The following RBPJ variants were observed in gnomAD, a reference collection of about 807,000 sequenced individuals.
The protein encoded by RBPJ is recombining binding protein suppressor of hairless.
Under a neutral mutation model 67.8 loss-of-function variants are expected in RBPJ, and 9 were observed. The ratio of observed to expected loss-of-function variants is 0.13; its 90% CI spans 0.08 to 0.23. The LOEUF (loss-of-function observed/expected upper bound fraction) is 0.23, where lower values mean the gene tolerates loss of function less well. Ranked by LOEUF, RBPJ falls within the 10% of genes least tolerant of loss-of-function variation. RBPJ has a pLI of 1.00. For synonymous variants in RBPJ, 198 were observed against 203.3 expected (o/e 0.97, Z 0.22); for missense variants, 305 against 595.6 (o/e 0.51, Z 5.08).
chr4:26,125,130 A>T, the RBPJ span, among the ~76,000 whole-genome samples: 3 of 152,212 alleles, frequency 2.0e-5, no homozygotes, highest in Non-Finnish European at 4.4e-5. Context: ...CAGGAATTGC[A>T]GTCATCCCTC....
chr4:26,146,037 A>T, the RBPJ span, among the ~76,000 whole-genome samples: 67,242 of 151,972 alleles, frequency 0.44, 15,323 homozygotes, highest in Non-Finnish European at 0.51. Flanking sequence ...TCTGGGCTCA[A>T]GTAATCCTCC....
At chr4:26,144,886 A>T in the RBPJ span, among the ~76,000 whole-genome samples, 1 of 152,102 alleles carries the variant, frequency 6.6e-6, no homozygotes, top group African/African-American at 2.4e-5. Flanking sequence ...TCACTCTTTT[A>T]TATGTGTCTT....
chr4:26,214,631 A>C lies in RBPJ; in HGVS notation c.-167+51017A>C, dbSNP rs1718573988. The stretch of plus-strand genomic sequence containing the variant: ...GAGAGAATGAAAAAGAAAAAAGAGA[A>C]AGAAAAAGAAAAAAGAAAGAGAAAA... On this transcript the variant is annotated intron_variant, in intron 1 of 4. Coordinates refer to the RBPJ transcript ENST00000512351. Among the ~76,000 whole-genome samples the C allele has an allele frequency of 4.9e-5, 3 of 61,670 alleles. No individual in the cohort carries two copies. The South Asian group carries it at 1.3e-3, about 27-fold the overall frequency. 40.5% of individuals were successfully genotyped at this position (61,670 alleles called of 152,430 possible). A position where few individuals can be genotyped will look rare whatever the true frequency, so the allele number is the denominator to read the frequency against.
intron 1 of RBPJ, among the ~76,000 whole-genome samples, chr4:26,220,764 G>A (rs1161427755): frequency 6.6e-6 from 1 of 152,232 alleles, no homozygotes; most frequent in African/African-American, 2.4e-5. Flanking sequence ...AGGAACCAGA[G>A]GCTCGAAGAG....
intron 1 of RBPJ, among the ~76,000 whole-genome samples, chr4:26,366,167 T>A (rs1402339322): frequency 6.6e-6 from 1 of 152,228 alleles, no homozygotes; most frequent in Admixed American, 6.5e-5. Flanking sequence ...TTCTAGTGAT[T>A]ATCAACTGGA....
intron 1 of RBPJ, among the ~76,000 whole-genome samples, chr4:26,251,746 G>A (rs906445256): frequency 6.6e-6 from 1 of 151,552 alleles, no homozygotes; most frequent in African/African-American, 2.4e-5. Flanking sequence ...TACTTGGGAG[G>A]CTGAGGCAGG....
intron 1 of RBPJ, among the ~76,000 whole-genome samples, chr4:26,360,047 G>A (rs1386520707): frequency 3.9e-5 from 6 of 152,086 alleles, no homozygotes; most frequent in African/African-American, 1.4e-4. Context: ...TGCTTTCAGA[G>A]CCTTTGCTCT....
intron 1 of RBPJ, among the ~76,000 whole-genome samples, chr4:26,215,494 A>C (rs565524196): frequency 1.3e-5 from 2 of 152,192 alleles, no homozygotes; most frequent in African/African-American, 4.8e-5. Flanking sequence ...CAGGGAGAAA[A>C]TCAACTCATA....
chr4:26,396,785 A>G (rs1732163603), intron 2 of RBPJ, among the ~76,000 whole-genome samples: 1 of 152,210 alleles, frequency 6.6e-6, no homozygotes. Flanking sequence ...ATTTTGGGAC[A>G]TTTTTACTTC....
intron 2 of RBPJ, among the ~76,000 whole-genome samples, chr4:26,388,914 G>A (rs2109649511): frequency 6.6e-6 from 1 of 152,202 alleles, no homozygotes; most frequent in South Asian, 2.1e-4. Flanking sequence ...TGGAAAATTA[G>A]TGAAAACTGT....
intron 1 of RBPJ, among the ~76,000 whole-genome samples, chr4:26,247,977 G>T (rs1040722166): frequency 6.6e-6 from 1 of 152,088 alleles, no homozygotes; most frequent in African/African-American, 2.4e-5. Context: ...GTACATGTAC[G>T]CTGTGAATCT....
chr4:26,390,651 T>G (rs1019921692), intron 2 of RBPJ, among the ~76,000 whole-genome samples: 11 of 152,226 alleles, frequency 7.2e-5, no homozygotes, highest in African/African-American at 2.4e-4. Flanking sequence ...TAAAAATATA[T>G]ATCAGGAAAA....
At chr4:26,172,248 G>A (rs554389558) in intron 1 of RBPJ, among the ~76,000 whole-genome samples, 5 of 152,076 alleles carry the variant, frequency 3.3e-5, no homozygotes, top group Admixed American at 1.3e-4. Flanking sequence ...GCCGCCATCC[G>A]CCTGGCCCCC....
intron 1 of RBPJ, among the ~76,000 whole-genome samples, chr4:26,305,454 A>G (rs1722202385): frequency 6.6e-6 from 1 of 152,194 alleles, no homozygotes; most frequent in African/African-American, 2.4e-5. Flanking sequence ...ATCCATAAAC[A>G]TGGGATGTTT....
intron 1 of RBPJ, among the ~76,000 whole-genome samples, chr4:26,305,171 T>C (rs1249725798): frequency 6.6e-6 from 1 of 152,232 alleles, no homozygotes; most frequent in African/African-American, 2.4e-5. Flanking sequence ...ATTTCTGGAC[T>C]CTTAGTTCTA....
At chr4:26,337,530 T>C (rs1724984673) in intron 1 of RBPJ, among the ~76,000 whole-genome samples, 1 of 151,616 alleles carries the variant, frequency 6.6e-6, no homozygotes. Context: ...TTTCCAACTT[T>C]TTTTTTTTTT....
chr4:26,407,738 C>A (rs1281370461), intron 3 of RBPJ, among the ~76,000 whole-genome samples: 1 of 151,942 alleles, frequency 6.6e-6, no homozygotes, highest in South Asian at 2.1e-4. Flanking sequence ...GAGATTGTGA[C>A]ATAAAGGAAA....
intron 1 of RBPJ, among the ~76,000 whole-genome samples, chr4:26,257,150 C>T (rs1720367881): frequency 6.6e-6 from 1 of 152,164 alleles, no homozygotes; most frequent in African/African-American, 2.4e-5. Context: ...GTATTACTTG[C>T]ATCAACCTAT....
At chr4:26,167,103 G>C (rs1238012297) in intron 1 of RBPJ, among the ~76,000 whole-genome samples, 2 of 152,032 alleles carry the variant, frequency 1.3e-5, no homozygotes, top group Non-Finnish European at 2.9e-5. Flanking sequence ...GTACCATGCT[G>C]TTTTGGTTAC....
Sources: allele counts gnomAD v4.1 joint callset (sites outside exome capture counted in the v4.1 genomes callset), GRCh38; gene constraint gnomAD v4.1.1; transcripts MANE v1.5; gene names NCBI Gene and HGNC (gene_info 2026-07-23, HGNC 2026-07-21).